Variants in RASGRF1 observed in about 807,000 individuals in gnomAD.
The protein encoded by RASGRF1 is ras-specific guanine nucleotide-releasing factor 1.
RASGRF1 carries 40 observed loss-of-function variants against 138.7 expected under a neutral mutation model. The ratio of observed to expected loss-of-function variants is 0.29; its 90% CI spans 0.22 to 0.38. The LOEUF is 0.38. RASGRF1 is among the 10% of genes least tolerant of loss of function. The probability of loss-of-function intolerance (pLI) is 1.00; values close to 1 mark genes in which losing one functional copy is unlikely to be tolerated. For synonymous variants in RASGRF1, 614 were observed against 663.2 expected (o/e 0.93, Z 1.14); for missense variants, 1,108 against 1,650.4 (o/e 0.67, Z 5.69).
intron 1 of RASGRF1, among the ~76,000 whole-genome samples, chr15:79,076,700 A>G (rs2057838143): frequency 1.3e-5 from 2 of 152,110 alleles, no homozygotes; most frequent in African/African-American, 2.4e-5. Context: ...GGCCATGGAG[A>G]CCCAGACGTG....
chr15:78,966,791 C>G (rs1053420637), intron 26 of RASGRF1, among the ~76,000 whole-genome samples: 1 of 152,034 alleles, frequency 6.6e-6, no homozygotes, highest in Non-Finnish European at 1.5e-5. Context: ...CCATTAGCCA[C>G]GTGTAGCTAC....
At chr15:78,977,678 T>A (rs1254525744) in intron 24 of RASGRF1, among the ~76,000 whole-genome samples, 1 of 152,196 alleles carries the variant, frequency 6.6e-6, no homozygotes, top group African/African-American at 2.4e-5. Flanking sequence ...GCTGTTCCCA[T>A]CCTTAATTCA....
intron 26 of RASGRF1, among the ~76,000 whole-genome samples, chr15:78,968,892 G>A (rs1272287305): frequency 6.6e-6 from 1 of 152,210 alleles, no homozygotes; most frequent in Admixed American, 6.5e-5. Flanking sequence ...CCTGATACCC[G>A]AAGTCTTTGG....
intron 26 of RASGRF1, among the ~76,000 whole-genome samples, chr15:78,971,530 G>A (rs1466501385): frequency 6.6e-6 from 1 of 152,210 alleles, no homozygotes; most frequent in Admixed American, 6.5e-5. Flanking sequence ...ACATTTCACT[G>A]TGCACTCCTT....
At chr15:79,020,509 C>T (rs777581860) in intron 10 of RASGRF1, among the ~76,000 whole-genome samples, 1 of 152,242 alleles carries the variant, frequency 6.6e-6, no homozygotes, top group African/African-American at 2.4e-5. Context: ...CACAGGAAGA[C>T]AGAGGCTGGT....
Position 79,024,025 on chromosome 15 carries a change from AC to A in RASGRF1, c.1542+1288del, listed in dbSNP as rs2057006094. On this transcript the variant is annotated intron_variant, in intron 10 of 26. Coordinates refer to ENST00000558480, the MANE Select transcript of RASGRF1 (RefSeq NM_001145648.3). ...ACACACACAGATACACACATCACAC[AC>A]ACACACACATACAAACACACACACA... Among the ~76,000 whole-genome samples the A allele has an allele frequency of 4.0e-5, 6 of 149,088 alleles. No individual in the cohort carries two copies. The South Asian group carries it at 1.3e-3, about 31-fold the overall frequency.
At chr15:78,967,270 G>T (rs2055662016) in intron 26 of RASGRF1, among the ~76,000 whole-genome samples, 1 of 151,966 alleles carries the variant, frequency 6.6e-6, no homozygotes, top group Non-Finnish European at 1.5e-5. Context: ...AACAGGCCAG[G>T]TGCAGTGGCT....
chr15:78,977,229 G>C (rs1339312324), intron 24 of RASGRF1, among the ~76,000 whole-genome samples: 1 of 152,154 alleles, frequency 6.6e-6, no homozygotes, highest in Non-Finnish European at 1.5e-5. Context: ...TGCCCTGGCT[G>C]TGGGATGGGC....
intron 1 of RASGRF1, among the ~76,000 whole-genome samples, chr15:79,088,761 A>C (rs1326145963): frequency 6.6e-6 from 1 of 152,224 alleles, no homozygotes; most frequent in Non-Finnish European, 1.5e-5. Context: ...CAAATTCTCT[A>C]GTCTGGCCTG....
intron 16 of RASGRF1, among the ~76,000 whole-genome samples, chr15:79,000,302 T>TC (rs2056493820): frequency 6.6e-6 from 1 of 152,190 alleles, no homozygotes; most frequent in Non-Finnish European, 1.5e-5. Flanking sequence ...ACATAACCTG[T>TC]CCAATGTCTG....
chr15:79,035,105 G>T, intron 6 of RASGRF1, 26 bp downstream of exon 6: 1 of 1,591,334 alleles, frequency 6.3e-7, no homozygotes, highest in East Asian at 2.2e-5. Flanking sequence ...CTTCTCTGGG[G>T]GCCGCAGTGA....
Position 79,006,332 on chromosome 15 carries a change from C to T in RASGRF1, c.1929G>A (p.Leu643=), listed in dbSNP as rs760868844. 3.1e-6 allele frequency: 5 copies of T among 1,614,236 alleles called. No homozygotes were observed. The Admixed American group carries it at 8.3e-5, about 27-fold the overall frequency. Residue 643 remains leucine, a synonymous_variant, in exon 14 of 27, where the codon CTG becomes CTA. Coordinates refer to ENST00000558480, the MANE Select transcript of RASGRF1 (RefSeq NM_001145648.3). This position sits in a 1 kb window ranked among gnomAD's most constrained non-coding sequence, Gnocchi z 4.0. ...LQIRYASVER[L]LERLTDLRFL... ...AGCGCAGGTCCGTCAGCCTCTCCAG[C>T]AGCCGCTCCACACTGGCGTAGCGGA... is the stretch of plus-strand genomic sequence containing the variant.
At chr15:79,089,485 C>T (rs2058024001) in intron 1 of RASGRF1, among the ~76,000 whole-genome samples, 1 of 152,124 alleles carries the variant, frequency 6.6e-6, no homozygotes. Context: ...GCCGCGACTG[C>T]GGCGGCGGCG....
intron 13 of RASGRF1, among the ~76,000 whole-genome samples, chr15:79,010,056 A>T (rs2056765649): frequency 1.5e-5 from 2 of 133,436 alleles, no homozygotes; most frequent in Admixed American, 7.8e-5. Context: ...TTCTTTTGAG[A>T]CAGAGTCTCA....
At chr15:79,004,203 C>A in intron 14 of RASGRF1, 28 bp from the exon 15 acceptor site, 1 of 1,537,000 alleles carries the variant, frequency 6.5e-7, no homozygotes, top group Non-Finnish European at 8.7e-7. Context: ...GTGAAAATGA[C>A]AGTTAGCGTA....
At chr15:79,019,079 G>A (rs1272601260) in intron 11 of RASGRF1, among the ~76,000 whole-genome samples, 1 of 151,950 alleles carries the variant, frequency 6.6e-6, no homozygotes, top group East Asian at 1.9e-4. Context: ...GTGTGTGTGT[G>A]TGTGTTTGCC....
At chr15:79,033,088 A>C (rs1403429309) in intron 6 of RASGRF1, among the ~76,000 whole-genome samples, 4 of 151,738 alleles carry the variant, frequency 2.6e-5, no homozygotes, top group African/African-American at 7.3e-5. Context: ...TATCTAGTTC[A>C]CCAGGTGGGG....
chr15:78,988,630 G>C (rs1024718134), intron 22 of RASGRF1, among the ~76,000 whole-genome samples: 1 of 152,206 alleles, frequency 6.6e-6, no homozygotes, highest in Non-Finnish European at 1.5e-5. Context: ...GGTAGGATGT[G>C]GCCCTGGCCA....
intron 6 of RASGRF1, among the ~76,000 whole-genome samples, chr15:79,033,569 C>CTTTT: frequency 8.1e-6 from 1 of 122,738 alleles, no homozygotes; most frequent in East Asian, 2.5e-4. Context: ...TCTTCTTCTT[C>CTTTT]TTTTTTCTTT....
Sources: gnomAD v4.1 joint callset for allele counts (sites outside exome capture counted in the v4.1 genomes callset) on GRCh38, gnomAD v4.1.1 for gene constraint, Gnocchi (gnomAD v3.1) non-coding constraint, MANE v1.5 for transcripts, NCBI Gene and HGNC (gene_info 2026-07-23, HGNC 2026-07-21) for gene names.